ABCB1: variants seen among roughly 807,000 people sequenced by gnomAD.
The protein encoded by ABCB1 is ATP-dependent translocase ABCB1.
A neutral mutation model predicts 142.0 loss-of-function variants in ABCB1; 69 were observed. That is an observed-to-expected ratio of 0.49 (90% confidence interval 0.40 to 0.59). The LOEUF is 0.59. Ranked by LOEUF, ABCB1 falls within the 20% of genes least tolerant of loss-of-function variation. The probability of loss-of-function intolerance (pLI) is 0.00; values close to 1 mark genes in which losing one functional copy is unlikely to be tolerated. For synonymous variants in ABCB1, 532 were observed against 539.2 expected, an observed-to-expected ratio of 0.99 and a Z score of 0.18; for missense variants, 1,326 against 1,554.7, an observed-to-expected ratio of 0.85 and a Z score of 2.47.
chr7:87,680,204 C>T (rs1826787759), intron 1 of ABCB1, among the ~76,000 whole-genome samples: 1 of 150,440 alleles, frequency 6.6e-6, no homozygotes, highest in South Asian at 2.1e-4. Context: ...AAGGACATGA[C>T]CTCATCCCTT....
intron 21 of ABCB1, 47 bp from the exon 22 acceptor site, chr7:87,520,923 G>T: frequency 7.2e-7 from 1 of 1,398,174 alleles, no homozygotes; most frequent in Non-Finnish European, 1.0e-6. Flanking sequence ...AGTAAATAGT[G>T]GTGATTAATT....
chr7:87,553,609 C>T (rs1017483828), intron 9 of ABCB1, 152 bp downstream of exon 9: 18 of 803,980 alleles, frequency 2.2e-5, no homozygotes, highest in Non-Finnish European at 3.1e-5. Context: ...TGTGAGCCAC[C>T]GTGCCTGGCC....
intron 1 of ABCB1, among the ~76,000 whole-genome samples, chr7:87,710,145 A>G (rs1431162874): frequency 6.6e-6 from 1 of 152,174 alleles, no homozygotes; most frequent in Non-Finnish European, 1.5e-5. Flanking sequence ...ATTTTCTTAA[A>G]TAAGTGATGT....
chr7:87,622,829 A>G lies in ABCB1; in HGVS notation c.-330-21751T>C, dbSNP rs138228244. ...GAGGATCGCATGAGACCGGGAGTTC[A>G]TGAGCAATCTGGGCAACATAGTGAG... On this transcript the variant is annotated intron_variant, in intron 1 of 28. Transcript: ENST00000265724. Among the ~76,000 whole-genome samples the G allele has an allele frequency of 2.6e-5, 4 of 152,228 alleles. No homozygotes were observed. In the East Asian group the frequency reaches 7.7e-4, roughly 29 times the overall value.
chr7:87,521,726 G>T, intron 21 of ABCB1: 2 of 946,562 alleles, frequency 2.1e-6, no homozygotes, highest in Non-Finnish European at 3.4e-6. Context: ...GAACCAAAGA[G>T]AGCTGTCTCA....
upstream of ABCB1, among the ~76,000 whole-genome samples, chr7:87,604,675 T>C (rs989666983): frequency 6.6e-6 from 1 of 152,116 alleles, no homozygotes; most frequent in African/African-American, 2.4e-5. Flanking sequence ...TCAGAGGTCG[T>C]TTGTCTTGCC....
intron 20 of ABCB1, 145 bp downstream of exon 20, chr7:87,536,313 A>C: frequency 1.3e-6 from 1 of 753,828 alleles, no homozygotes. Flanking sequence ...GTTGCTACAA[A>C]AAGCATGTGA....
At chr7:87,675,087 G>A (rs773571501) in intron 1 of ABCB1, among the ~76,000 whole-genome samples, 2 of 152,208 alleles carry the variant, frequency 1.3e-5, no homozygotes, top group African/African-American at 4.8e-5. Flanking sequence ...TCTGTGGTGA[G>A]AGCGGGCCGC....
chr7:87,655,097 C>T (rs913515626), intron 1 of ABCB1, among the ~76,000 whole-genome samples: 9 of 151,914 alleles, frequency 5.9e-5, no homozygotes, highest in Admixed American at 6.6e-5. Flanking sequence ...TTTAGAACAG[C>T]CATTACAGAA....
chr7:87,550,885 C>T lies in ABCB1; in HGVS notation c.1000-47G>A, dbSNP rs778715012. ...CATCAGGCTACTGAGATAGTGACAG[C>T]AATTTTTTTTCATACTTCTTCTGTC... On this transcript the variant is annotated intron_variant, in intron 9 of 27. Transcript: ENST00000622132. 8.5e-7 allele frequency: 1 copy of T among 1,177,598 alleles called. No individual in the cohort carries two copies. Among genetic ancestry groups the T allele is most frequent in the Non-Finnish European group, 1.3e-6 (1 of 784,722 alleles). The allele number at this position is 1,177,598 out of a possible 1,614,324, so 72.9% of individuals were successfully genotyped here.
chr7:87,612,005 T>C (rs1213852901), intron 1 of ABCB1, among the ~76,000 whole-genome samples: 3 of 152,128 alleles, frequency 2.0e-5, no homozygotes, highest in African/African-American at 7.2e-5. Flanking sequence ...ACAACTAATT[T>C]TTATTGAGCT....
Position 87,539,715 on chromosome 7 carries a change from G to C in ABCB1, c.2320-370C>G, listed in dbSNP as rs1196335242. On this transcript the variant is annotated intron_variant, in intron 18 of 27. Transcript: ENST00000622132. ...TGTTACTAAGATGAGGAGTTGGGTG[G>C]TCTAACATCTTTAGGCATTTTGCTA... Among the ~76,000 whole-genome samples, 3 of 152,160 alleles carry C rather than the reference G, an allele frequency of 2.0e-5. No homozygotes were observed. In the East Asian group the frequency reaches 5.8e-4, roughly 29 times the overall value.
At chr7:87,581,271 T>C (rs80094082) in intron 4 of ABCB1, among the ~76,000 whole-genome samples, 2,185 of 152,180 alleles carry the variant, frequency 0.014, 49 homozygotes, top group African/African-American at 0.05. Flanking sequence ...GTCCTGTTCT[T>C]TATGCCAAGA....
At chr7:87,544,041 T>G (rs966814064) in intron 17 of ABCB1, 88 bp downstream of exon 17, 2 of 1,515,976 alleles carry the variant, frequency 1.3e-6, no homozygotes, top group Non-Finnish European at 1.8e-6. Context: ...TTGTTGTTTT[T>G]GTATCCCAGT....
At chr7:87,580,697 C>T (rs1818470297) in intron 4 of ABCB1, among the ~76,000 whole-genome samples, 2 of 152,122 alleles carry the variant, frequency 1.3e-5, no homozygotes, top group Admixed American at 1.3e-4. Flanking sequence ...TGGATTTACC[C>T]TTTTAAGGCT....
intron 3 of ABCB1, among the ~76,000 whole-genome samples, chr7:87,593,358 AT>A (rs1309500614): frequency 6.6e-6 from 1 of 152,030 alleles, no homozygotes; most frequent in Non-Finnish European, 1.5e-5. Context: ...AAGGTCTGAT[AT>A]AAATTTAAAA....
In ABCB1 at chr7:87,549,847, T is replaced by C; in HGVS notation, c.1554+4A>G. 6.2e-7 allele frequency: 1 copy of C among 1,614,174 alleles called. No homozygotes were observed. The highest frequency in any genetic ancestry group is 8.5e-7 in the Non-Finnish European group (1 of 1,180,016). On this transcript the variant is annotated splice_donor_region_variant and intron_variant, in intron 13 of 27. Coordinates refer to ENST00000622132, the MANE Select transcript of ABCB1 (RefSeq NM_001348946.2). Reference sequence around the variant, plus strand: ...TAGAAAGGCAAAGGGCAAGGACAACTTACATGAGGCAGTTTCATGATAAAG... The same window carrying C: ...TAGAAAGGCAAAGGGCAAGGACAACCTACATGAGGCAGTTTCATGATAAAG...
chr7:87,550,763 T>TA lies in ABCB1; in HGVS notation c.1074_1075insT (p.Arg359Ter), dbSNP rs1817027708. On this transcript the variant is annotated frameshift_variant, in exon 10 of 28. Transcript: ENST00000622132. LOFTEE classifies it high-confidence loss of function. ...TTGAAGATTTCATAAGCTGCTCCTC[T>TA]TGCATTTGCAAATGCTTCAATGCTT... 6.2e-7 allele frequency: 1 copy of TA among 1,613,800 alleles called. No individual in the cohort carries two copies. The highest frequency in any genetic ancestry group is 1.7e-5 in the Admixed American group (1 of 60,006).
At chr7:87,642,189 A>G (rs1389681455) in intron 1 of ABCB1, among the ~76,000 whole-genome samples, 2 of 152,000 alleles carry the variant, frequency 1.3e-5, no homozygotes, top group East Asian at 3.8e-4. Flanking sequence ...AAACATATAT[A>G]TATATTTTTA....
Sources: allele counts gnomAD v4.1 joint callset (sites outside exome capture counted in the v4.1 genomes callset), GRCh38; gene constraint gnomAD v4.1.1; transcripts MANE v1.5; gene names NCBI Gene and HGNC (gene_info 2026-07-23, HGNC 2026-07-21).